The following CLBA1 variants were observed in gnomAD, a reference collection of about 807,000 sequenced individuals.
CLBA1 encodes the protein clathrin binding box of aftiphilin containing 1, also known as uncharacterized protein CLBA1.
Under a neutral mutation model 28.8 loss-of-function variants are expected in CLBA1, and 30 were observed. The observed-to-expected ratio is 1.04, with a 90% confidence interval of 0.78 to 1.41. The LOEUF is 1.41. Ranked by LOEUF, CLBA1 falls within the 40% of genes most tolerant of loss-of-function variation. CLBA1 has a pLI of 0.00. For missense variants in CLBA1, 451 were observed against 412.3 expected, an observed-to-expected ratio of 1.09 and a Z score of -0.81; for synonymous variants, 160 against 152.8, an observed-to-expected ratio of 1.05 and a Z score of -0.35.
chr14:104,988,090 GAAA>G (rs1899918305), intron 1 of CLBA1, among the ~76,000 whole-genome samples: 1 of 46,430 alleles, frequency 2.2e-5, no homozygotes, highest in Non-Finnish European at 1.2e-4. Flanking sequence ...AATTTCACAA[GAAA>G]GAGTAGATAA....
rs1011872636 is a variant in CLBA1 at position 104,995,260 on chromosome 14, G to A, written c.*501G>A. On this transcript the variant is annotated 3_prime_UTR_variant, in exon 5 of 5. Coordinates refer to ENST00000547315, the MANE Select transcript of CLBA1 (RefSeq NM_174891.4). ...TGTGTGGTCAGGGCACCATGAGGGTGTACAGATGTGCTGTGTCCTCAGAGC... is the reference window on the plus strand; with the variant it reads ...TGTGTGGTCAGGGCACCATGAGGGTATACAGATGTGCTGTGTCCTCAGAGC... 9.1e-6 allele frequency: 9 copies of A among 986,148 alleles called. No homozygotes were observed. Among genetic ancestry groups the A allele is most frequent in the South Asian group, 4.7e-5 (1 of 21,316 alleles). The allele number at this position is 986,148 out of a possible 1,614,324, so 61.1% of individuals were successfully genotyped here.
Position 104,986,246 on chromosome 14 carries a change from C to T in CLBA1, c.-186C>T. 1.6e-6 allele frequency: 1 copy of T among 633,650 alleles called. No individual in the cohort carries two copies. The highest frequency in any genetic ancestry group is 2.7e-6 in the Non-Finnish European group (1 of 368,088). The allele number at this position is 633,650 out of a possible 1,614,324, so 39.3% of individuals were successfully genotyped here. ...ACCGGGCCATTCCTGTGGTTTGTGTCAGTTCCACAGCAGCACGTGGGCACT... is the reference window on the plus strand; with the variant it reads ...ACCGGGCCATTCCTGTGGTTTGTGTTAGTTCCACAGCAGCACGTGGGCACT... On this transcript the variant is annotated 5_prime_UTR_variant, in exon 1 of 5. Transcript: ENST00000547315.
chr14:104,991,826 G>A (rs1900031778), intron 3 of CLBA1, among the ~76,000 whole-genome samples: 1 of 152,224 alleles, frequency 6.6e-6, no homozygotes, highest in Admixed American at 6.5e-5. Context: ...CCTAGAGCAG[G>A]AGGTGGGGAA....
In CLBA1 at chr14:104,994,707, T is replaced by C. The variant is rs1900125839; in HGVS notation, c.926T>C (p.Met309Thr). 3.7e-6 allele frequency: 6 copies of C among 1,613,864 alleles called. No individual in the cohort carries two copies. The highest frequency in any genetic ancestry group is 2.2e-5 in the South Asian group (2 of 91,082). The change falls in exon 5 of 5, where the codon ATG becomes ACG. Residue 309 changes from methionine to threonine, a missense_variant. Physicochemically the swap from Met to Thr is moderately conservative, Grantham distance 81 (BLOSUM62 -1). Transcript: ENST00000547315. Reference sequence around the variant, plus strand: ...CACATCACTATTCCAAGGAAAAGGATGTTCACTCCACGCAAGCTCAAACTG... The same window carrying C: ...CACATCACTATTCCAAGGAAAAGGACGTTCACTCCACGCAAGCTCAAACTG... ...GQHITIPRKRMFTPRKLKLTL... is the reference protein window; with the variant it reads ...GQHITIPRKRTFTPRKLKLTL...
chr14:104,993,405 G>A, intron 4 of CLBA1: 1 of 985,422 alleles, frequency 1.0e-6, no homozygotes, highest in Non-Finnish European at 1.2e-6. Flanking sequence ...GCAGGACCAG[G>A]CTGTGACTGT....
chr14:104,993,980 G>A, intron 4 of CLBA1: 1 of 985,432 alleles, frequency 1.0e-6, no homozygotes, highest in Non-Finnish European at 1.2e-6. Flanking sequence ...CAAGAATTAG[G>A]CATGAATGTG....
intron 4 of CLBA1, chr14:104,993,818 T>A (rs898136408): frequency 8.1e-6 from 8 of 985,208 alleles, no homozygotes; most frequent in Non-Finnish European, 9.6e-6. Flanking sequence ...GAGGGGCGCA[T>A]GGGCGGCTGT....
At chr14:104,986,983 C>T in intron 1 of CLBA1, 129 bp downstream of exon 1, 3 of 1,122,228 alleles carry the variant, frequency 2.7e-6, no homozygotes, top group Non-Finnish European at 3.8e-6. Flanking sequence ...TGCTTCTCTC[C>T]TGGCCTTCGT....
At chr14:104,994,540 A>C in intron 4 of CLBA1, 58 bp from the exon 5 acceptor site, 2 of 1,552,060 alleles carry the variant, frequency 1.3e-6, no homozygotes, top group Non-Finnish European at 1.7e-6. Flanking sequence ...CAAACGCCCA[A>C]GCTAGCGCTT....
At chr14:104,993,875 C>T (rs1900103983) in intron 4 of CLBA1, 4 of 985,390 alleles carry the variant, frequency 4.1e-6, no homozygotes, top group Non-Finnish European at 4.8e-6. Context: ...AAAGTACTGC[C>T]CTGTGGCCTG....
At chr14:104,994,425 T>C (rs1348144070) in intron 4 of CLBA1, 173 bp from the exon 5 acceptor site, 10 of 985,330 alleles carry the variant, frequency 1.0e-5, no homozygotes, top group Non-Finnish European at 1.2e-5. Flanking sequence ...CCCCAGCATG[T>C]TTTCCCTGGG....
At chr14:104,992,918 C>T (rs776887803) in intron 3 of CLBA1, 30 bp from the exon 4 acceptor site, 1 of 1,511,538 alleles carries the variant, frequency 6.6e-7, no homozygotes, top group Non-Finnish European at 9.2e-7. Context: ...GATGACTGTA[C>T]CGGCTGTCTG....
At chr14:104,987,789 TTA>T (rs5811162) in intron 1 of CLBA1, among the ~76,000 whole-genome samples, 45,528 of 144,762 alleles carry the variant, frequency 0.31, 8,603 homozygotes, top group African/African-American at 0.54. Flanking sequence ...GGCTAACTTT[TTA>T]TATATATATA....
At chr14:104,993,802 TGGTG>T (rs1239171699) in intron 4 of CLBA1, 28 of 985,058 alleles carry the variant, frequency 2.8e-5, no homozygotes, top group African/African-American at 3.5e-5. Flanking sequence ...ACCCAGGAGA[TGGTG>T]GGAGGGGCGC....
At chr14:104,987,955 G>T (rs1479916144) in intron 1 of CLBA1, among the ~76,000 whole-genome samples, 1 of 151,906 alleles carries the variant, frequency 6.6e-6, no homozygotes, top group Non-Finnish European at 1.5e-5. Context: ...TTCTGAAGCA[G>T]TTTCCCTGGA....
At position 104,991,365 on chromosome 14, in the gene CLBA1, T is replaced by C. The variant is rs537176299; in HGVS notation, c.570-126T>C. On this transcript the variant is annotated intron_variant, in intron 2 of 4. Transcript: ENST00000547315. ...AGAGTTCTTAACAGCCATACGCCTCTTGGCTTGTGCGCGTCTCGGCTTGCG... is the reference window on the plus strand; with the variant it reads ...AGAGTTCTTAACAGCCATACGCCTCCTGGCTTGTGCGCGTCTCGGCTTGCG... 14 of 1,177,752 alleles carry C rather than the reference T, an allele frequency of 1.2e-5. No individual in the cohort carries two copies. In the African/African-American group the frequency reaches 2.0e-4, roughly 17 times the overall value. 73.0% of individuals were successfully genotyped at this position (1,177,752 alleles called of 1,614,324 possible).
intron 1 of CLBA1, 104 bp downstream of exon 1, chr14:104,986,958 C>G: frequency 1.5e-6 from 2 of 1,356,026 alleles, no homozygotes; most frequent in South Asian, 1.3e-5. Context: ...AGGGGGCTGA[C>G]AGCCCCAGAG....
At chr14:104,991,355 CAT>C in intron 2 of CLBA1, 134 bp from the exon 3 acceptor site, 1 of 996,800 alleles carries the variant, frequency 1.0e-6, no homozygotes, top group Non-Finnish European at 1.5e-6. Context: ...TCTTAACAGC[CAT>C]ACGCCTCTTG....
intron 1 of CLBA1, among the ~76,000 whole-genome samples, chr14:104,988,109 G>A (rs534063138): frequency 6.6e-5 from 10 of 152,196 alleles, no homozygotes; most frequent in African/African-American, 2.4e-4. Flanking sequence ...GATAAATGCA[G>A]AAAACTGCCC....
Sources: gnomAD v4.1 joint callset for allele counts (sites outside exome capture counted in the v4.1 genomes callset) on GRCh38, gnomAD v4.1.1 for gene constraint, MANE v1.5 for transcripts, NCBI Gene and HGNC (gene_info 2026-07-23, HGNC 2026-07-21) for gene names.